The following NCAM2 variants were observed in gnomAD, a reference collection of about 807,000 sequenced individuals.
The protein encoded by NCAM2 is neural cell adhesion molecule 2.
Under a neutral mutation model 98.1 loss-of-function variants are expected in NCAM2, and 30 were observed. The observed-to-expected ratio is 0.31, with a 90% CI of 0.23 to 0.41. The LOEUF (loss-of-function observed/expected upper bound fraction) is 0.41. Ranked by LOEUF, NCAM2 falls within the 10% of genes least tolerant of loss-of-function variation. NCAM2 has a pLI of 1.00. For missense variants in NCAM2, 867 were observed against 1,005.8 expected (o/e 0.86, Z 1.87); for synonymous variants, 368 against 342.4 (o/e 1.07, Z -0.83).
At chr21:21,031,290 A>T (rs535849958) in intron 1 of NCAM2, among the ~76,000 whole-genome samples, 9 of 152,308 alleles carry the variant, frequency 5.9e-5, no homozygotes, top group Admixed American at 5.9e-4. Context: ...AATATTTGTA[A>T]AGACTAGATG....
chr21:21,069,609 T>A (rs2065515342), intron 1 of NCAM2, among the ~76,000 whole-genome samples: 1 of 152,126 alleles, frequency 6.6e-6, no homozygotes, highest in Admixed American at 6.5e-5. Flanking sequence ...TTAAAAGATG[T>A]TTTGAGGAAT....
intron 12 of NCAM2, among the ~76,000 whole-genome samples, chr21:21,455,702 CG>C (rs1280082139): frequency 2.6e-5 from 4 of 151,732 alleles, no homozygotes; most frequent in Non-Finnish European, 5.9e-5. Flanking sequence ...GTGAAAATCT[CG>C]GCAAACCATT....
intron 1 of NCAM2, among the ~76,000 whole-genome samples, chr21:21,115,082 A>G (rs184279596): frequency 6.0e-4 from 92 of 152,200 alleles, no homozygotes; most frequent in African/African-American, 2.1e-3. Flanking sequence ...CAGCCTCCCA[A>G]AGTGCTGGAA....
intron 1 of NCAM2, among the ~76,000 whole-genome samples, chr21:21,021,734 AT>A (rs2064441347): frequency 6.6e-6 from 1 of 152,222 alleles, no homozygotes; most frequent in Admixed American, 6.5e-5. Flanking sequence ...CTTCTTAGTC[AT>A]TTTAAACCAT....
chr21:21,519,484 C>A (rs1318344293), intron 16 of NCAM2, among the ~76,000 whole-genome samples: 1 of 152,016 alleles, frequency 6.6e-6, no homozygotes, highest in East Asian at 1.9e-4. Context: ...AGAGAGAAAT[C>A]AAAATGTACC....
chr21:21,469,529 T>C (rs1194087956), intron 14 of NCAM2, among the ~76,000 whole-genome samples: 4 of 152,022 alleles, frequency 2.6e-5, no homozygotes. Flanking sequence ...TTTTCTAAGA[T>C]TCATACAACA....
At chr21:21,300,996 G>T (rs9974722) in intron 5 of NCAM2, among the ~76,000 whole-genome samples, 112,184 of 151,848 alleles carry the variant, frequency 0.74, 41,552 homozygotes, top group South Asian at 0.82. Flanking sequence ...TTTGTGTGTC[G>T]GAAAAATAAT....
In NCAM2 at chr21:21,373,880, C is replaced by T. The variant is rs750015611; in HGVS notation, c.1062C>T (p.Ile354=). 19 of 1,607,652 alleles carry T rather than the reference C, an allele frequency of 1.2e-5. No individual in the cohort carries two copies. The highest frequency in any genetic ancestry group is 1.6e-5 in the Non-Finnish European group (19 of 1,176,702). The change falls in exon 9 of 18, where the codon ATC becomes ATT. Residue 354 remains isoleucine, a synonymous_variant. Coordinates refer to ENST00000400546, the MANE Select transcript of NCAM2 (RefSeq NM_004540.5). ...TEGDKSLDGR[I]EVKGQHGSSS... ...GTAAACAGAGCCTGGACGGCCGTATCGAAGTCAAAGGGCAGCATGGAAGCT... is the reference window on the plus strand; with the variant it reads ...GTAAACAGAGCCTGGACGGCCGTATTGAAGTCAAAGGGCAGCATGGAAGCT...
At chr21:21,193,136 C>A (rs2068880396) in intron 1 of NCAM2, among the ~76,000 whole-genome samples, 1 of 152,136 alleles carries the variant, frequency 6.6e-6, no homozygotes, top group Non-Finnish European at 1.5e-5. Flanking sequence ...CTCTGTTTAT[C>A]CCAGTCCATT....
At chr21:21,358,556 A>T (rs1466902585) in intron 8 of NCAM2, among the ~76,000 whole-genome samples, 1 of 152,074 alleles carries the variant, frequency 6.6e-6, no homozygotes, top group Non-Finnish European at 1.5e-5. Flanking sequence ...TACGGTTTTG[A>T]TATTAAATAC....
chr21:21,200,200 C>G (rs2069158226), intron 1 of NCAM2, among the ~76,000 whole-genome samples: 1 of 151,986 alleles, frequency 6.6e-6, no homozygotes, highest in Non-Finnish European at 1.5e-5. Flanking sequence ...GGCTTGACCC[C>G]TAGTAACAAT....
At chr21:21,056,213 G>C (rs574304346) in intron 1 of NCAM2, among the ~76,000 whole-genome samples, 2 of 152,012 alleles carry the variant, frequency 1.3e-5, no homozygotes, top group South Asian at 4.2e-4. Flanking sequence ...ATGGAATCAG[G>C]GAGTCATATT....
intron 1 of NCAM2, among the ~76,000 whole-genome samples, chr21:21,152,873 C>G (rs1253677334): frequency 6.6e-6 from 1 of 151,892 alleles, no homozygotes; most frequent in Admixed American, 6.6e-5. Context: ...GCCTCCTGTT[C>G]TATAATAATC....
At chr21:21,426,198 A>G (rs569775588) in intron 11 of NCAM2, among the ~76,000 whole-genome samples, 1 of 152,266 alleles carries the variant, frequency 6.6e-6, no homozygotes, top group Non-Finnish European at 1.5e-5. Context: ...GGAAACCAGC[A>G]TTCAAACCAC....
At chr21:21,107,355 C>T (rs1021615548) in intron 1 of NCAM2, among the ~76,000 whole-genome samples, 9 of 151,998 alleles carry the variant, frequency 5.9e-5, no homozygotes, top group Admixed American at 2.0e-4. Context: ...ACAATGAAAT[C>T]ATTTCCTCAA....
rs199788139 is a variant in NCAM2 at position 21,284,316 on chromosome 21, A to G, written c.253A>G (p.Ile85Val). 159 of 1,612,672 alleles carry G rather than the reference A, an allele frequency of 9.9e-5. No homozygotes were observed. Among genetic ancestry groups the G allele is most frequent in the Non-Finnish European group, 1.3e-4 (149 of 1,178,960 alleles). ...RSRLTIYNAN[I>V]EDAGIYRCQA... ...ACGGTTAACCATCTACAATGCAAAT[A>G]TAGAAGATGCAGGGATATATCGTTG... The change falls in exon 3 of 18, where the codon ATA becomes GTA. Residue 85 changes from isoleucine to valine, a missense_variant. Coordinates refer to ENST00000400546, the MANE Select transcript of NCAM2 (RefSeq NM_004540.5).
chr21:21,415,287 T>C (rs2076966772), intron 10 of NCAM2, among the ~76,000 whole-genome samples: 1 of 151,314 alleles, frequency 6.6e-6, no homozygotes, highest in Non-Finnish European at 1.5e-5. Flanking sequence ...CTTTAAATTC[T>C]ATTTTTTAGT....
chr21:21,348,444 T>C (rs936762123), intron 8 of NCAM2, among the ~76,000 whole-genome samples: 1 of 151,970 alleles, frequency 6.6e-6, no homozygotes, highest in East Asian at 1.9e-4. Context: ...GAAAAAAATT[T>C]AAGAGGACAT....
intron 1 of NCAM2, among the ~76,000 whole-genome samples, chr21:21,062,509 C>T (rs2065343972): frequency 6.6e-6 from 1 of 152,176 alleles, no homozygotes; most frequent in Non-Finnish European, 1.5e-5. Flanking sequence ...GTGTTAGGCA[C>T]TCAGGGAACA....
Sources: allele counts gnomAD v4.1 joint callset (sites outside exome capture counted in the v4.1 genomes callset), GRCh38; gene constraint gnomAD v4.1.1; transcripts MANE v1.5; gene names NCBI Gene and HGNC (gene_info 2026-07-23, HGNC 2026-07-21).